The following REST variants were observed in gnomAD, a reference collection of about 807,000 sequenced individuals.
REST encodes RE1 silencing transcription factor.
REST carries 1 observed loss-of-function variant against 30.4 expected under a neutral mutation model. The ratio of observed to expected loss-of-function variants is 0.03; its 90% CI spans 0.01 to 0.16. The LOEUF is 0.16. Ranked by LOEUF, REST falls within the 10% of genes least tolerant of loss-of-function variation. The pLI is 1.00. For synonymous variants in REST, 504 were observed against 451.1 expected (o/e 1.12, Z -1.49); for missense variants, 1,259 against 1,329.5 (o/e 0.95, Z 0.82).
chr4:56,929,303 T>G (rs1353624737), intron 3 of REST, among the ~76,000 whole-genome samples: 1 of 152,120 alleles, frequency 6.6e-6, no homozygotes, highest in Non-Finnish European at 1.5e-5. Flanking sequence ...ACTCCTGGCC[T>G]CAAGGTATCC....
rs1200394143 is a variant in REST at position 56,911,117 on chromosome 4, G to T, written c.479G>T (p.Arg160Leu). Residue 160 changes from arginine (R) to leucine (L), a missense_variant, in exon 2 of 4, where the codon CGC becomes CTC. Around this residue, in one of 5 missense-constraint regions of REST, gnomAD observed 249 missense variants for 251.5 expected, o/e 0.99. Transcript: ENST00000309042. ...AAGAGCTCGAAGACCAAACCCTTTC[G>T]CTGTAAGCCATGCCAATATGAAGCA... ...KGKSSKTKPF[R>L]CKPCQYEAES... The T allele has an allele frequency of 5.0e-6, 8 of 1,614,060 alleles. No individual in the cohort carries two copies. The Admixed American group carries it at 8.3e-5, about 17-fold the overall frequency.
At position 56,935,266 on chromosome 4, in the gene REST, A is replaced by G. The variant is rs187055162; in HGVS notation, c.*3114A>G. 9.2e-5 allele frequency: 14 copies of G among 152,350 alleles called. No homozygotes were observed. Among genetic ancestry groups the G allele is most frequent in the African/African-American group, 2.9e-4 (12 of 41,580 alleles). 9.4% of individuals were successfully genotyped at this position (152,350 alleles called of 1,614,324 possible). On this transcript the variant is annotated 3_prime_UTR_variant, in exon 4 of 4. Coordinates refer to ENST00000309042, the MANE Select transcript of REST (RefSeq NM_005612.5). Reference sequence around the variant, plus strand: ...CTTCTGGATTGATAAGCTGAGGAAGAAAGTTAAGTTTCTTTTTTACATAAG... The same window carrying G: ...CTTCTGGATTGATAAGCTGAGGAAGGAAGTTAAGTTTCTTTTTTACATAAG...
rs1721118186 is a variant in REST, at chr4:56,935,514, A to G, written c.*3362A>G. The G allele has an allele frequency of 6.6e-6, 1 of 152,252 alleles. No homozygotes were observed. The highest frequency in any genetic ancestry group is 1.5e-5 in the Non-Finnish European group (1 of 68,048). The allele number at this position is 152,252 out of a possible 1,614,324, so 9.4% of individuals were successfully genotyped here. ...ATATCCATTAGTTATTGAACTTTCT[A>G]AACTGGCATTGAAACATTACAACAA... is the stretch of plus-strand genomic sequence containing the variant. On this transcript the variant is annotated 3_prime_UTR_variant, in exon 4 of 4. Coordinates refer to ENST00000309042, the MANE Select transcript of REST (RefSeq NM_005612.5).
At chr4:56,926,916 G>A (rs1221644874) in intron 3 of REST, among the ~76,000 whole-genome samples, 6 of 151,848 alleles carry the variant, frequency 4.0e-5, no homozygotes, top group Non-Finnish European at 7.4e-5. Context: ...GATCAACATG[G>A]AGAAATGCCG....
At chr4:56,913,601 T>C (rs1720033692) in intron 2 of REST, among the ~76,000 whole-genome samples, 1 of 152,172 alleles carries the variant, frequency 6.6e-6, no homozygotes, top group East Asian at 1.9e-4. Context: ...AAGGGGACAC[T>C]GAGGAGGGGA....
intron 3 of REST, among the ~76,000 whole-genome samples, chr4:56,920,957 C>G (rs923295425): frequency 6.6e-6 from 1 of 152,060 alleles, no homozygotes; most frequent in African/African-American, 2.4e-5. Flanking sequence ...CCTCCGCTTC[C>G]CAGGTTCAAG....
rs372216068 is a variant in REST, at chr4:56,931,277, A to G, written c.2419A>G (p.Met807Val). Residue 807 changes from methionine to valine, a missense_variant, in exon 4 of 4, where the codon ATG (methionine) becomes GTG (valine). By Grantham distance (21) the Met-to-Val change is conservative (BLOSUM62 1). Coordinates refer to ENST00000309042, the MANE Select transcript of REST (RefSeq NM_005612.5). ...PPPPREPPLH[M>V]EPISKKPPLR... ...TCCTCCCAGAGAGCCTCCCCTTCACATGGAGCCAATTTCCAAAAAGCCTCC... is the reference window on the plus strand; with the variant it reads ...TCCTCCCAGAGAGCCTCCCCTTCACGTGGAGCCAATTTCCAAAAAGCCTCC... 1.4e-4 allele frequency: 227 copies of G among 1,614,116 alleles called. 1 individual carries two copies. The highest frequency in any genetic ancestry group is 1.8e-4 in the Non-Finnish European group (209 of 1,180,044).
At chr4:56,920,410 T>C (rs1385780093) in intron 3 of REST, among the ~76,000 whole-genome samples, 1 of 150,860 alleles carries the variant, frequency 6.6e-6, no homozygotes, top group Non-Finnish European at 1.5e-5. Flanking sequence ...AGTATAGGAC[T>C]GTAACATGAG....
chr4:56,929,657 T>C (rs1720875600), intron 3 of REST, among the ~76,000 whole-genome samples, 184 bp from the exon 4 acceptor site: 1 of 152,244 alleles, frequency 6.6e-6, no homozygotes, highest in Non-Finnish European at 1.5e-5. Context: ...GATTTATTCC[T>C]CTCTTTTGAG....
At chr4:56,919,746 T>G in intron 2 of REST, 41 bp from the exon 3 acceptor site, 1 of 1,219,964 alleles carries the variant, frequency 8.2e-7, no homozygotes, top group South Asian at 1.3e-5. Flanking sequence ...TTTGGCTATT[T>G]CGTGACATTT....
chr4:56,920,225 TCA>T (rs1560446698), intron 3 of REST, among the ~76,000 whole-genome samples: 1 of 151,876 alleles, frequency 6.6e-6, no homozygotes, highest in African/African-American at 2.4e-5. Context: ...AAGCTGAGAG[TCA>T]CAACGTGTGG....
rs1399509583 is a variant in REST at position 56,908,226 on chromosome 4, C to T, written c.-10+13C>T. 3 of 146,648 alleles carry T rather than the reference C, an allele frequency of 2.0e-5. No individual in the cohort carries two copies. The highest frequency in any genetic ancestry group is 4.5e-5 in the Non-Finnish European group (3 of 67,214). The allele number at this position is 146,648 out of a possible 1,614,324, so 9.1% of individuals were successfully genotyped here. Reference sequence around the variant, plus strand: ...CCGAGGAAGGCCGGTAAGTGGGGCGCTGGGCTGGGGGCTCGGTCAGGGTGG... The same window carrying T: ...CCGAGGAAGGCCGGTAAGTGGGGCGTTGGGCTGGGGGCTCGGTCAGGGTGG... On this transcript the variant is annotated intron_variant, in intron 1 of 3. Coordinates refer to ENST00000309042, the MANE Select transcript of REST (RefSeq NM_005612.5).
Position 56,931,376 on chromosome 4 carries a change from G to A in REST, c.2518G>A (p.Val840Ile), listed in dbSNP as rs752540485. 1.2e-6 allele frequency: 2 copies of A among 1,614,262 alleles called. No individual in the cohort carries two copies. The highest frequency in any genetic ancestry group is 1.1e-5 in the South Asian group (1 of 91,090). ...RARKEQVLIEVGLVPVKDSWL... is the reference protein window; with the variant it reads ...RARKEQVLIEIGLVPVKDSWL... ...ACGGAAGGAGCAAGTCCTTATTGAA[G>A]TTGGCTTAGTGCCTGTTAAAGATAG... The change falls in exon 4 of 4, where the codon GTT (valine) becomes ATT (isoleucine). Residue 840 changes from valine (V) to isoleucine (I), a missense_variant. Physicochemically the swap from Val to Ile is conservative, Grantham distance 29. This residue lies in a region of REST where 856 missense variants were observed against 772.8 expected (regional missense o/e 1.11). Coordinates refer to ENST00000309042, the MANE Select transcript of REST (RefSeq NM_005612.5).
At position 56,930,319 on chromosome 4, in the gene REST, G is replaced by C; in HGVS notation, c.1461G>C (p.Gln487His). Residue 487 changes from glutamine to histidine, a missense_variant, in exon 4 of 4, where the codon CAG becomes CAC. Physicochemically the swap from Gln to His is conservative, Grantham distance 24 (BLOSUM62 0). Coordinates refer to ENST00000309042, the MANE Select transcript of REST (RefSeq NM_005612.5). ...CTTCTAATAATGTGTCAGTGATCCA[G>C]GTGACTACCAGAACTCGAAAATCAG... ...KKPSNNVSVI[Q>H]VTTRTRKSVT... 6.2e-7 allele frequency: 1 copy of C among 1,614,050 alleles called. No homozygotes were observed. The highest frequency in any genetic ancestry group is 2.2e-5 in the East Asian group (1 of 44,866).
chr4:56,918,186 A>G (rs930268399), intron 2 of REST, among the ~76,000 whole-genome samples: 2 of 150,618 alleles, frequency 1.3e-5, no homozygotes, highest in Non-Finnish European at 2.9e-5. Context: ...TGGCTTTTAT[A>G]ATTTGTTTTA....
chr4:56,910,886 A>G lies in REST; in HGVS notation c.248A>G (p.Asn83Ser). Residue 83 changes from asparagine (N) to serine (S), a missense_variant, in exon 2 of 4, where the codon AAC (asparagine) becomes AGC (serine). Around this residue, in one of 5 missense-constraint regions of REST, gnomAD observed 249 missense variants for 251.5 expected, o/e 0.99. Coordinates refer to ENST00000309042, the MANE Select transcript of REST (RefSeq NM_005612.5). ...MAELMPVGDN[N>S]FSDSEEGEGL... The stretch of plus-strand genomic sequence containing the variant: ...GAACTGATGCCGGTTGGGGATAACA[A>G]CTTTTCAGATAGTGAAGAAGGAGAA... The G allele has an allele frequency of 6.2e-7, 1 of 1,614,196 alleles. No individual in the cohort carries two copies. The highest frequency in any genetic ancestry group is 8.5e-7 in the Non-Finnish European group (1 of 1,180,030).
At chr4:56,909,972 ACTTC>A (rs1043319364) in intron 1 of REST, among the ~76,000 whole-genome samples, 4 of 152,228 alleles carry the variant, frequency 2.6e-5, no homozygotes, top group African/African-American at 9.6e-5. Flanking sequence ...AATAAATCAA[ACTTC>A]CTTTTTCACA....
chr4:56,934,266 A>G lies in REST; in HGVS notation c.*2114A>G, dbSNP rs1371713061. 6 of 152,308 alleles carry G rather than the reference A, an allele frequency of 3.9e-5. No individual in the cohort carries two copies. The highest frequency in any genetic ancestry group is 7.2e-5 in the African/African-American group (3 of 41,566). 9.4% of individuals were successfully genotyped at this position (152,308 alleles called of 1,614,324 possible). A position where few individuals can be genotyped will look rare whatever the true frequency, so the allele number is the denominator to read the frequency against. ...ACATTTTACCTAAGTTACCGTTTAC[A>G]TTGTATAGAAAAAGATACATCTTAA... On this transcript the variant is annotated 3_prime_UTR_variant, in exon 4 of 4. Transcript: ENST00000309042.
intron 2 of REST, among the ~76,000 whole-genome samples, chr4:56,917,432 C>T (rs1266854621): frequency 2.0e-5 from 3 of 152,172 alleles, no homozygotes; most frequent in Non-Finnish European, 2.9e-5. Context: ...TCAAATGATC[C>T]GCCTACCTCC....
Sources: gnomAD v4.1 joint callset for allele counts (sites outside exome capture counted in the v4.1 genomes callset) on GRCh38, gnomAD v4.1.1 for gene constraint, gnomAD v4.1.1 regional missense constraint, MANE v1.5 for transcripts, NCBI Gene and HGNC (gene_info 2026-07-23, HGNC 2026-07-21) for gene names.